SLC8A1: variants seen among roughly 807,000 people sequenced by gnomAD.
SLC8A1 encodes sodium/calcium exchanger 1.
A neutral mutation model predicts 68.3 loss-of-function variants in SLC8A1; 18 were observed. The observed-to-expected ratio is 0.26, with a 90% CI of 0.18 to 0.39. The LOEUF (loss-of-function observed/expected upper bound fraction) is 0.39, where lower values mean the gene tolerates loss of function less well. Among genes scored for constraint, SLC8A1 ranks in the 10% least tolerant of loss-of-function variants. The pLI is 1.00. For synonymous variants in SLC8A1, 475 were observed against 415.5 expected (o/e 1.14, Z -1.74); for missense variants, 985 against 1,156.7 (o/e 0.85, Z 2.15).
At chr2:40,390,626 C>A (rs960138220) in intron 2 of SLC8A1, among the ~76,000 whole-genome samples, 1 of 152,054 alleles carries the variant, frequency 6.6e-6, no homozygotes, top group African/African-American at 2.4e-5. Flanking sequence ...CTTGAGGAAC[C>A]ACCATCTTAT....
chr2:40,249,426 T>G (rs957139854), intron 2 of SLC8A1, among the ~76,000 whole-genome samples: 5 of 152,214 alleles, frequency 3.3e-5, no homozygotes, highest in African/African-American at 1.2e-4. Context: ...CAAAATTTAG[T>G]CTCTGTACTT....
chr2:40,433,878 A>G (rs569722468), intron 1 of SLC8A1, among the ~76,000 whole-genome samples: 3 of 152,288 alleles, frequency 2.0e-5, no homozygotes, highest in Non-Finnish European at 2.9e-5. Flanking sequence ...CCTAGTTAGC[A>G]AAAGTCTTGT....
chr2:40,492,232 A>C (rs1434697651), intron 1 of SLC8A1, among the ~76,000 whole-genome samples: 4 of 152,182 alleles, frequency 2.6e-5, no homozygotes, highest in Non-Finnish European at 4.4e-5. Flanking sequence ...TGAGAAAAAC[A>C]AGCAATGGGG....
At chr2:40,396,748 TAAA>T (rs368483768) in intron 2 of SLC8A1, among the ~76,000 whole-genome samples, 1 of 87,086 alleles carries the variant, frequency 1.1e-5, no homozygotes, top group Non-Finnish European at 2.1e-5. Flanking sequence ...CTCTAATAAC[TAAA>T]AAAAAAAAAA....
chr2:40,448,753 G>A (rs938064212), intron 1 of SLC8A1, among the ~76,000 whole-genome samples: 1 of 152,066 alleles, frequency 6.6e-6, no homozygotes, highest in African/African-American at 2.4e-5. Flanking sequence ...AGGTATGGGA[G>A]GTTATGATGA....
At chr2:40,483,203 C>T (rs1704752769) in intron 1 of SLC8A1, among the ~76,000 whole-genome samples, 1 of 92,514 alleles carries the variant, frequency 1.1e-5, no homozygotes, top group Admixed American at 9.9e-5. Flanking sequence ...ATTAAATTAC[C>T]CTATGTATTT....
intron 2 of SLC8A1, among the ~76,000 whole-genome samples, chr2:40,378,365 G>C (rs953866036): frequency 6.6e-6 from 1 of 152,070 alleles, no homozygotes; most frequent in Non-Finnish European, 1.5e-5. Flanking sequence ...GAAGGATGAA[G>C]AAATGCAAAG....
intron 2 of SLC8A1, among the ~76,000 whole-genome samples, chr2:40,426,306 C>CAT (rs1377158749): frequency 6.6e-6 from 1 of 151,894 alleles, no homozygotes; most frequent in Non-Finnish European, 1.5e-5. Flanking sequence ...CTCCTAAGAA[C>CAT]ATATATATAG....
At chr2:40,382,839 T>G (rs1388835349) in intron 2 of SLC8A1, among the ~76,000 whole-genome samples, 1 of 152,132 alleles carries the variant, frequency 6.6e-6, no homozygotes, top group East Asian at 1.9e-4. Context: ...TTATTTAAAA[T>G]TCCTACTTTG....
At chr2:40,383,953 C>A (rs1682755479) in intron 2 of SLC8A1, among the ~76,000 whole-genome samples, 1 of 152,084 alleles carries the variant, frequency 6.6e-6, no homozygotes, top group African/African-American at 2.4e-5. Flanking sequence ...TTACAATTCA[C>A]TATAAAGTAA....
chr2:40,234,695 C>A (rs1343103264), intron 2 of SLC8A1, among the ~76,000 whole-genome samples: 1 of 152,150 alleles, frequency 6.6e-6, no homozygotes, highest in African/African-American at 2.4e-5. Flanking sequence ...AAAGGGAATG[C>A]TTCCAGTTTT....
At chr2:40,440,272 A>G (rs967005448) in intron 1 of SLC8A1, among the ~76,000 whole-genome samples, 1 of 152,186 alleles carries the variant, frequency 6.6e-6, no homozygotes, top group Non-Finnish European at 1.5e-5. Flanking sequence ...TTTTGGTGAC[A>G]GATGAGGATT....
At chr2:40,207,620 G>A (rs565028584) in intron 2 of SLC8A1, among the ~76,000 whole-genome samples, 1 of 152,082 alleles carries the variant, frequency 6.6e-6, no homozygotes, top group African/African-American at 2.4e-5. Context: ...TCCACATTAA[G>A]AAGATGAAAA....
chr2:40,146,544 C>T (rs1196421619), intron 6 of SLC8A1, among the ~76,000 whole-genome samples: 2 of 151,980 alleles, frequency 1.3e-5, no homozygotes, highest in African/African-American at 4.8e-5. Context: ...CACTTTATTT[C>T]TATTATTGTT....
chr2:40,474,077 G>A (rs151315091), intron 1 of SLC8A1, among the ~76,000 whole-genome samples: 2 of 152,204 alleles, frequency 1.3e-5, no homozygotes, highest in Non-Finnish European at 2.9e-5. Context: ...TTTCTGTAGT[G>A]CAAATGTTGA....
chr2:40,428,073 G>T (rs543673379), intron 2 of SLC8A1, among the ~76,000 whole-genome samples: 14 of 152,048 alleles, frequency 9.2e-5, no homozygotes, highest in Non-Finnish European at 1.9e-4. Flanking sequence ...ACTCAGAAAC[G>T]AAGTTAGAGA....
At chr2:40,374,285 G>C (rs1056354087) in intron 2 of SLC8A1, among the ~76,000 whole-genome samples, 10 of 152,054 alleles carry the variant, frequency 6.6e-5, no homozygotes, top group African/African-American at 2.4e-4. Flanking sequence ...GCCAAGGCAG[G>C]TGGGTTCCTT....
chr2:40,410,786 T>G (rs1477269238), intron 2 of SLC8A1, among the ~76,000 whole-genome samples: 1 of 152,110 alleles, frequency 6.6e-6, no homozygotes, highest in Non-Finnish European at 1.5e-5. Flanking sequence ...TGTCATTTTC[T>G]TATTAAAAAA....
At chr2:40,197,314 G>C (rs1221144493) in intron 2 of SLC8A1, among the ~76,000 whole-genome samples, 1 of 151,990 alleles carries the variant, frequency 6.6e-6, no homozygotes, top group Admixed American at 6.6e-5. Flanking sequence ...GTTGGCAGAA[G>C]TGACAGCTGG....
Sources: gnomAD v4.1 joint callset for allele counts (sites outside exome capture counted in the v4.1 genomes callset) on GRCh38, gnomAD v4.1.1 for gene constraint, MANE v1.5 for transcripts, NCBI Gene and HGNC (gene_info 2026-07-23, HGNC 2026-07-21) for gene names.